Variants in CALN1 observed in about 807,000 individuals in gnomAD.
CALN1 encodes calneuron 1, also known as calcium-binding protein 8.
Under a neutral mutation model 30.6 loss-of-function variants are expected in CALN1, and 17 were observed. That is an observed-to-expected ratio of 0.56 (90% CI 0.38 to 0.83). CALN1 has a LOEUF of 0.83. CALN1 is among the 40% of genes least tolerant of loss of function. CALN1 has a pLI of 0.00. For missense variants in CALN1, 291 were observed against 354.9 expected, an observed-to-expected ratio of 0.82 and a Z score of 1.45; for synonymous variants, 156 against 131.4, an observed-to-expected ratio of 1.19 and a Z score of -1.28.
intron 3 of CALN1, among the ~76,000 whole-genome samples, chr7:72,268,011 A>C (rs532073161): frequency 4.2e-4 from 64 of 152,318 alleles, no homozygotes; most frequent in Admixed American, 4.1e-3. Flanking sequence ...TGTCTTTAAA[A>C]TTTTTTAAAT....
chr7:72,229,696 A>C (rs1260893082), intron 3 of CALN1, among the ~76,000 whole-genome samples: 1 of 151,832 alleles, frequency 6.6e-6, no homozygotes, highest in Non-Finnish European at 1.5e-5. Context: ...AAAACCAAAC[A>C]CCGCATGTTC....
chr7:72,139,193 A>G (rs368219049), intron 3 of CALN1, among the ~76,000 whole-genome samples: 1 of 152,160 alleles, frequency 6.6e-6, no homozygotes, highest in East Asian at 1.9e-4. Context: ...GCAAGGTCAC[A>G]TCCATCCCCT....
intron 3 of CALN1, among the ~76,000 whole-genome samples, chr7:72,269,331 T>C (rs145562401): frequency 0.023 from 3,533 of 152,090 alleles, 133 homozygotes; most frequent in African/African-American, 0.08. Context: ...TAACATTAGG[T>C]ATATCTCCTA....
intron 2 of CALN1, among the ~76,000 whole-genome samples, chr7:72,387,072 G>A (rs1170266037): frequency 1.3e-5 from 2 of 151,096 alleles, no homozygotes; most frequent in Non-Finnish European, 2.9e-5. Flanking sequence ...AGTTCCCAAT[G>A]GCCAAGGGTG....
chr7:72,072,036 G>A (rs755397145), intron 4 of CALN1, among the ~76,000 whole-genome samples: 4 of 152,158 alleles, frequency 2.6e-5, no homozygotes, highest in Non-Finnish European at 5.9e-5. Context: ...GTATGTGTGA[G>A]ACATCATCAA....
chr7:72,314,850 A>C (rs964900159), intron 2 of CALN1, among the ~76,000 whole-genome samples: 3 of 142,250 alleles, frequency 2.1e-5, no homozygotes, highest in South Asian at 2.2e-4. Flanking sequence ...AAAAAAAAAA[A>C]ACAAAAAAAA....
intron 2 of CALN1, among the ~76,000 whole-genome samples, chr7:72,282,502 G>A (rs775996339): frequency 6.6e-6 from 1 of 152,130 alleles, no homozygotes; most frequent in African/African-American, 2.4e-5. Context: ...CCTCACTGAT[G>A]GGATTAATAC....
At chr7:71,819,479 C>T (rs1429914222) in intron 5 of CALN1, among the ~76,000 whole-genome samples, 1 of 152,206 alleles carries the variant, frequency 6.6e-6, no homozygotes, top group African/African-American at 2.4e-5. Context: ...GTTGGGATTG[C>T]AGGCATGAGC....
chr7:72,099,829 G>C (rs962738460), intron 4 of CALN1, among the ~76,000 whole-genome samples: 2 of 152,132 alleles, frequency 1.3e-5, no homozygotes, highest in Non-Finnish European at 2.9e-5. Flanking sequence ...TGATGACTTG[G>C]GTTTTTGTTA....
At chr7:72,073,811 A>T (rs1584886491) in intron 4 of CALN1, among the ~76,000 whole-genome samples, 1 of 152,042 alleles carries the variant, frequency 6.6e-6, no homozygotes, top group East Asian at 1.9e-4. Flanking sequence ...CTGTCACCTC[A>T]ACCTCCTGAG....
At chr7:72,080,012 C>T (rs1348803525) in intron 4 of CALN1, among the ~76,000 whole-genome samples, 1 of 152,120 alleles carries the variant, frequency 6.6e-6, no homozygotes, top group Non-Finnish European at 1.5e-5. Context: ...CTCAGGTGTT[C>T]TGCTCGCCTC....
intron 3 of CALN1, among the ~76,000 whole-genome samples, chr7:72,142,544 TG>T (rs1346296401): frequency 1.3e-5 from 2 of 152,180 alleles, no homozygotes; most frequent in African/African-American, 4.8e-5. Context: ...ACTCCACCTC[TG>T]GGGGCAGGGC....
At chr7:72,177,754 A>G (rs4642529) in intron 3 of CALN1, among the ~76,000 whole-genome samples, 38,800 of 117,448 alleles carry the variant, frequency 0.33, 5,490 homozygotes, top group South Asian at 0.4. Context: ...GACAGAGGGA[A>G]AAAAAAAAAA....
At chr7:72,139,729 C>T (rs1809759254) in intron 3 of CALN1, among the ~76,000 whole-genome samples, 1 of 152,214 alleles carries the variant, frequency 6.6e-6, no homozygotes, top group African/African-American at 2.4e-5. Flanking sequence ...GTCACCTCCA[C>T]CCTCTAGGAA....
At chr7:72,403,648 A>C (rs1806503707) in intron 1 of CALN1, among the ~76,000 whole-genome samples, 1 of 152,254 alleles carries the variant, frequency 6.6e-6, no homozygotes, top group Admixed American at 6.5e-5. Context: ...AGGGTATTGC[A>C]CAACAAGCCA....
At chr7:71,954,965 T>A (rs1796882630) in intron 5 of CALN1, among the ~76,000 whole-genome samples, 1 of 152,192 alleles carries the variant, frequency 6.6e-6, no homozygotes, top group South Asian at 2.1e-4. Flanking sequence ...ATGTTGTTTT[T>A]TAGGATGAGA....
chr7:72,024,644 C>T (rs754845159), intron 4 of CALN1, among the ~76,000 whole-genome samples: 4 of 152,150 alleles, frequency 2.6e-5, no homozygotes, highest in Non-Finnish European at 4.4e-5. Flanking sequence ...AGTGATCCGC[C>T]TGCCTTGGCC....
At chr7:72,166,701 C>G (rs1195163372) in intron 3 of CALN1, among the ~76,000 whole-genome samples, 4 of 152,182 alleles carry the variant, frequency 2.6e-5, no homozygotes, top group Non-Finnish European at 4.4e-5. Context: ...TCTTCAAAGG[C>G]TATGAATAGA....
At chr7:72,365,573 A>G (rs1803829219) in intron 2 of CALN1, among the ~76,000 whole-genome samples, 1 of 151,912 alleles carries the variant, frequency 6.6e-6, no homozygotes, top group Non-Finnish European at 1.5e-5. Context: ...GGGACTATAG[A>G]TGCATGCCAC....
Sources: gnomAD v4.1 joint callset for allele counts (sites outside exome capture counted in the v4.1 genomes callset) on GRCh38, gnomAD v4.1.1 for gene constraint, MANE v1.5 for transcripts, NCBI Gene and HGNC (gene_info 2026-07-23, HGNC 2026-07-21) for gene names.